ADAMTS6: variants seen among roughly 807,000 people sequenced by gnomAD.
The protein encoded by ADAMTS6 is ADAM metallopeptidase with thrombospondin type 1 motif 6.
In ADAMTS6, 23 loss-of-function variants were observed where a neutral mutation model predicts 144.3. That is an observed-to-expected ratio of 0.16 (90% CI 0.11 to 0.23). ADAMTS6 has a LOEUF of 0.23. Among genes scored for constraint, ADAMTS6 ranks in the 10% least tolerant of loss-of-function variants. The pLI is 1.00. For missense variants in ADAMTS6, 999 were observed against 1,379.6 expected, an observed-to-expected ratio of 0.72 and a Z score of 4.37; for synonymous variants, 444 against 457.5, an observed-to-expected ratio of 0.97 and a Z score of 0.38.
intron 7 of ADAMTS6, among the ~76,000 whole-genome samples, chr5:65,428,901 G>A (rs1192661662): frequency 6.6e-6 from 1 of 152,174 alleles, no homozygotes; most frequent in African/African-American, 2.4e-5. Context: ...AGGATCAATA[G>A]GAAGAAATAG....
intron 7 of ADAMTS6, among the ~76,000 whole-genome samples, chr5:65,343,906 T>C (rs935219042): frequency 2.0e-5 from 3 of 152,016 alleles, no homozygotes; most frequent in African/African-American, 7.2e-5. Context: ...TGAACAGACA[T>C]TTCTCAAAAA....
intron 7 of ADAMTS6, among the ~76,000 whole-genome samples, chr5:65,421,670 C>G (rs909312874): frequency 6.6e-6 from 1 of 151,938 alleles, no homozygotes; most frequent in Non-Finnish European, 1.5e-5. Context: ...AATAGAGAAC[C>G]CAGAAATAAA....
rs745440850 is a variant in ADAMTS6, at chr5:65,452,231, A to G, written c.844-15T>C. ...AGTTTGGCAACCTGACCTCCAGAAA[A>G]TAAGAAAAGACACAAAGTCAGACAA... On this transcript the variant is annotated splice_polypyrimidine_tract_variant and intron_variant, in intron 5 of 24. Coordinates refer to ENST00000381055, the MANE Select transcript of ADAMTS6 (RefSeq NM_197941.4). 6.2e-7 allele frequency: 1 copy of G among 1,609,178 alleles called. No homozygotes were observed. The highest frequency in any genetic ancestry group is 1.1e-5 in the South Asian group (1 of 90,488).
chr5:65,177,896 C>A (rs1754080041), intron 22 of ADAMTS6, among the ~76,000 whole-genome samples: 1 of 152,214 alleles, frequency 6.6e-6, no homozygotes, highest in South Asian at 2.1e-4. Context: ...CAGGATTCCA[C>A]AACCTGGAGT....
intron 7 of ADAMTS6, among the ~76,000 whole-genome samples, chr5:65,335,669 A>G (rs1297452967): frequency 2.6e-5 from 4 of 152,168 alleles, no homozygotes; most frequent in Non-Finnish European, 5.9e-5. Flanking sequence ...TAGAAAGATA[A>G]ATAAGTTACT....
intron 7 of ADAMTS6, among the ~76,000 whole-genome samples, chr5:65,365,594 C>T (rs1015870324): frequency 2.0e-5 from 3 of 149,186 alleles, no homozygotes; most frequent in African/African-American, 2.5e-5. Context: ...TTTCAGTGAG[C>T]GGAGATCATG....
At chr5:65,416,672 C>T (rs985441838) in intron 7 of ADAMTS6, among the ~76,000 whole-genome samples, 3 of 149,156 alleles carry the variant, frequency 2.0e-5, no homozygotes, top group East Asian at 2.0e-4. Context: ...GCCCAGGAGG[C>T]GGAGGTTGCA....
intron 8 of ADAMTS6, 69 bp downstream of exon 8, chr5:65,333,973 C>A (rs1227883318): frequency 9.6e-7 from 1 of 1,038,336 alleles, no homozygotes; most frequent in Admixed American, 9.6e-5. Flanking sequence ...TCCAAAAAGA[C>A]AATCAGAACC....
intron 14 of ADAMTS6, among the ~76,000 whole-genome samples, chr5:65,247,422 T>C (rs1401582260): frequency 3.9e-5 from 6 of 152,190 alleles, no homozygotes; most frequent in Admixed American, 2.0e-4. Context: ...ACAAACTTTT[T>C]AGTGGCATTT....
chr5:65,187,405 T>C (rs1445493874), intron 22 of ADAMTS6, among the ~76,000 whole-genome samples: 2 of 152,186 alleles, frequency 1.3e-5, no homozygotes, highest in Non-Finnish European at 2.9e-5. Context: ...GTGAAGGGAA[T>C]GATCAAGTCA....
intron 7 of ADAMTS6, among the ~76,000 whole-genome samples, chr5:65,413,180 C>T (rs1415067829): frequency 1.3e-5 from 2 of 152,140 alleles, no homozygotes. Context: ...CTAAAACAGG[C>T]TCAGCGGGCC....
chr5:65,278,300 AAG>A (rs1296461471), intron 11 of ADAMTS6, among the ~76,000 whole-genome samples: 1 of 152,176 alleles, frequency 6.6e-6, no homozygotes, highest in Non-Finnish European at 1.5e-5. Flanking sequence ...ATACGTGTGC[AAG>A]AGTCTTTTCC....
chr5:65,357,513 A>G (rs1749428814), intron 7 of ADAMTS6, among the ~76,000 whole-genome samples: 1 of 151,654 alleles, frequency 6.6e-6, no homozygotes, highest in Non-Finnish European at 1.5e-5. Context: ...AAAGCAAAAT[A>G]CATGAAATAG....
At chr5:65,301,814 C>G (rs1042382457) in intron 9 of ADAMTS6, among the ~76,000 whole-genome samples, 1 of 151,970 alleles carries the variant, frequency 6.6e-6, no homozygotes, top group Non-Finnish European at 1.5e-5. Flanking sequence ...ATAGGCCGGG[C>G]CGGGTGGCTC....
intron 7 of ADAMTS6, among the ~76,000 whole-genome samples, chr5:65,352,239 T>C (rs1214687661): frequency 6.6e-6 from 1 of 152,094 alleles, no homozygotes; most frequent in African/African-American, 2.4e-5. Context: ...AAGAAGAATT[T>C]AAAATGATTA....
intron 4 of ADAMTS6, among the ~76,000 whole-genome samples, chr5:65,455,627 T>C (rs763096702): frequency 5.3e-5 from 8 of 151,372 alleles, no homozygotes; most frequent in Non-Finnish European, 1.2e-4. Flanking sequence ...CCTAAATTAA[T>C]GTTTCTACTA....
In ADAMTS6 at chr5:65,168,196, C is replaced by CA. The variant is rs1296785144; in HGVS notation, c.3244+2420dup. Among the ~76,000 whole-genome samples the CA allele has an allele frequency of 1.2e-4, 18 of 145,256 alleles. No individual in the cohort carries two copies. The East Asian group carries it at 3.5e-3, about 28-fold the overall frequency. On this transcript the variant is annotated intron_variant, in intron 24 of 24. Transcript: ENST00000381055. Reference sequence around the variant, plus strand: ...GCAACTTCAGCAAAGTCTCAGGATACAAAATCAATGTACAAAAATCACAAG... The same window carrying CA: ...GCAACTTCAGCAAAGTCTCAGGATACAAAAATCAATGTACAAAAATCACAAG...
intron 7 of ADAMTS6, among the ~76,000 whole-genome samples, chr5:65,433,794 G>A (rs1757179311): frequency 6.6e-6 from 1 of 152,148 alleles, no homozygotes; most frequent in Non-Finnish European, 1.5e-5. Flanking sequence ...GCCATGATGT[G>A]GAGAAATTTC....
chr5:65,370,954 T>G lies in ADAMTS6; in HGVS notation c.1074-36869A>C, dbSNP rs545260087. On this transcript the variant is annotated intron_variant, in intron 7 of 24. Transcript: ENST00000381055. ...GAACGGGCAGACTGCCTCCTCAAGT[T>G]GGTCCCTGACCCCTGACCCCCGAGC... Among the ~76,000 whole-genome samples, 82 of 152,256 alleles carry G rather than the reference T, an allele frequency of 5.4e-4. 1 individual carries two copies. In the South Asian group the frequency reaches 5.6e-3, roughly 10 times the overall value.
Sources: gnomAD v4.1 joint callset for allele counts (sites outside exome capture counted in the v4.1 genomes callset) on GRCh38, gnomAD v4.1.1 for gene constraint, MANE v1.5 for transcripts, NCBI Gene and HGNC (gene_info 2026-07-23, HGNC 2026-07-21) for gene names.